The following COX10 variants were observed in gnomAD, a reference collection of about 807,000 sequenced individuals.
The protein encoded by COX10 is cytochrome c oxidase assembly factor heme A:farnesyltransferase COX10, also known as protoheme IX farnesyltransferase, mitochondrial.
COX10 carries 27 observed loss-of-function variants against 37.3 expected under a neutral mutation model. The ratio of observed to expected loss-of-function variants is 0.72; its 90% CI spans 0.53 to 1.00. The LOEUF is 1.00. COX10 is among the 50% of genes least tolerant of loss of function. COX10 has a pLI of 0.00. For missense variants in COX10, 475 were observed against 563.2 expected (o/e 0.84, Z 1.59); for synonymous variants, 222 against 229.1 (o/e 0.97, Z 0.28).
At chr17:14,137,036 GT>G (rs1306117483) in intron 4 of COX10, among the ~76,000 whole-genome samples, 1 of 151,746 alleles carries the variant, frequency 6.6e-6, no homozygotes, top group Non-Finnish European at 1.5e-5. Context: ...GGGTAAAGAT[GT>G]TTTTAGGTGG....
chr17:14,125,430 T>G (rs1916321290), intron 4 of COX10, among the ~76,000 whole-genome samples: 1 of 152,230 alleles, frequency 6.6e-6, no homozygotes, highest in South Asian at 2.1e-4. Context: ...GGAAACAATT[T>G]GGCTATTGAA....
chr17:14,181,929 C>T, intron 5 of COX10: 2 of 910,868 alleles, frequency 2.2e-6, no homozygotes, highest in Non-Finnish European at 2.6e-6. Flanking sequence ...CAGGGGTCAC[C>T]ACGTACTCCC....
intron 3 of COX10, among the ~76,000 whole-genome samples, chr17:14,093,614 A>G (rs1357517743): frequency 6.6e-6 from 1 of 152,208 alleles, no homozygotes; most frequent in African/African-American, 2.4e-5. Context: ...TATGGGTGAC[A>G]GATAAAGCCC....
Position 14,102,409 on chromosome 17 carries a change from T to G in COX10, c.624+167T>G, listed in dbSNP as rs9909835. Among the ~76,000 whole-genome samples the G allele has an allele frequency of 0.063, 9,550 of 152,244 alleles. 1,025 individuals are homozygous for G. Among genetic ancestry groups the G allele is most frequent in the African/African-American group, 0.22 (9,007 of 41,518 alleles). On this transcript the variant is annotated intron_variant, in intron 4 of 6. Transcript: ENST00000261643. ...GTTTCATAACCAATTTGTCTTTTCT[T>G]TTGAGGTGAATGGTTTTCAGATATG... is the stretch of plus-strand genomic sequence containing the variant.
At chr17:14,176,529 T>TA (rs1252368099) in intron 5 of COX10, among the ~76,000 whole-genome samples, 95 of 152,334 alleles carry the variant, frequency 6.2e-4, no homozygotes, top group African/African-American at 2.2e-3. Context: ...GCCATCTAAA[T>TA]TAGGCTTTTC....
At chr17:14,186,831 C>T (rs1567610491) in intron 5 of COX10, among the ~76,000 whole-genome samples, 3 of 152,078 alleles carry the variant, frequency 2.0e-5, no homozygotes, top group African/African-American at 7.2e-5. Flanking sequence ...CAGTGTGCCC[C>T]ACATACAGTT....
intron 4 of COX10, among the ~76,000 whole-genome samples, chr17:14,124,936 G>T (rs566064148): frequency 2.0e-5 from 3 of 152,148 alleles, no homozygotes. Flanking sequence ...TGTGTAAAAT[G>T]TATTTCAATC....
intron 4 of COX10, among the ~76,000 whole-genome samples, chr17:14,122,103 C>T (rs539991309): frequency 4.6e-5 from 7 of 152,086 alleles, no homozygotes; most frequent in East Asian, 3.9e-4. Context: ...AGAGGCATGT[C>T]GACCAGTTAG....
chr17:14,196,510 G>A (rs1906371617), intron 6 of COX10, among the ~76,000 whole-genome samples: 1 of 152,142 alleles, frequency 6.6e-6, no homozygotes, highest in Admixed American at 6.5e-5. Flanking sequence ...AGAGTGGGGT[G>A]GGGACACGTG....
At chr17:14,146,401 A>C (rs1363731896) in intron 4 of COX10, among the ~76,000 whole-genome samples, 1 of 152,160 alleles carries the variant, frequency 6.6e-6, no homozygotes, top group Non-Finnish European at 1.5e-5. Context: ...TGGGGAAAAG[A>C]CTATCTCTTC....
intron 5 of COX10, among the ~76,000 whole-genome samples, chr17:14,167,228 G>T: frequency 6.6e-6 from 1 of 152,206 alleles, no homozygotes; most frequent in Non-Finnish European, 1.5e-5. Context: ...CTGGATAGCT[G>T]CAATCTCATG....
chr17:14,087,264 A>T (rs1222945525), intron 3 of COX10, among the ~76,000 whole-genome samples: 1 of 152,092 alleles, frequency 6.6e-6, no homozygotes, highest in Non-Finnish European at 1.5e-5. Flanking sequence ...TCAGCCTCTT[A>T]TTCTTCCATG....
At chr17:14,098,155 G>A (rs939989266) in intron 3 of COX10, among the ~76,000 whole-genome samples, 3 of 152,140 alleles carry the variant, frequency 2.0e-5, no homozygotes, top group African/African-American at 7.2e-5. Context: ...AACTATTACA[G>A]TTGTTTATGA....
intron 4 of COX10, among the ~76,000 whole-genome samples, chr17:14,123,773 G>A (rs2142214491): frequency 6.6e-6 from 1 of 152,288 alleles, no homozygotes; most frequent in South Asian, 2.1e-4. Context: ...GGATGGAGAA[G>A]CAGTCTCGTG....
At chr17:14,144,471 G>A (rs1904651999) in intron 4 of COX10, among the ~76,000 whole-genome samples, 1 of 152,102 alleles carries the variant, frequency 6.6e-6, no homozygotes, top group African/African-American at 2.4e-5. Flanking sequence ...TGGTGAAGGA[G>A]CACTAGTGGA....
intron 5 of COX10, among the ~76,000 whole-genome samples, chr17:14,163,006 A>G (rs570989824): frequency 2.6e-5 from 4 of 152,300 alleles, no homozygotes; most frequent in Admixed American, 2.6e-4. Flanking sequence ...CCAACTTACA[A>G]CATTCCAGGA....
intron 4 of COX10, among the ~76,000 whole-genome samples, chr17:14,129,085 G>A (rs1916406435): frequency 6.6e-6 from 1 of 151,524 alleles, no homozygotes; most frequent in Non-Finnish European, 1.5e-5. Context: ...ACCTGAGGTG[G>A]TTGGCCCGCC....
At chr17:14,083,046 G>A (rs901212984) in intron 3 of COX10, among the ~76,000 whole-genome samples, 1 of 152,172 alleles carries the variant, frequency 6.6e-6, no homozygotes, top group East Asian at 1.9e-4. Context: ...AGGAAAAGCC[G>A]ACTGGGCAAA....
At chr17:14,166,020 G>A (rs140309030) in intron 5 of COX10, among the ~76,000 whole-genome samples, 136 of 152,332 alleles carry the variant, frequency 8.9e-4, no homozygotes, top group African/African-American at 2.9e-3. Context: ...GGTTCATGAG[G>A]TTTAAGAAAA....
Sources: allele counts gnomAD v4.1 joint callset (sites outside exome capture counted in the v4.1 genomes callset), GRCh38; gene constraint gnomAD v4.1.1; transcripts MANE v1.5; gene names NCBI Gene and HGNC (gene_info 2026-07-23, HGNC 2026-07-21).